Variants in RNF126 observed in about 807,000 individuals in gnomAD.
RNF126 encodes the protein ring finger protein 126.
In RNF126, 20 loss-of-function variants were observed where a neutral mutation model predicts 41.9. The ratio of observed to expected loss-of-function variants is 0.48; its 90% CI spans 0.34 to 0.69. The LOEUF is 0.69. RNF126 is among the 30% of genes least tolerant of loss of function. The pLI, the probability that RNF126 is intolerant of heterozygous loss-of-function variation, is 0.01. For missense variants in RNF126, 433 were observed against 460.6 expected, an observed-to-expected ratio of 0.94 and a Z score of 0.55; for synonymous variants, 239 against 202.9, an observed-to-expected ratio of 1.18 and a Z score of -1.51.
At chr19:652,089 A>T (rs1225384700) in intron 3 of RNF126, 144 bp downstream of exon 3, 1 of 767,206 alleles carries the variant, frequency 1.3e-6, no homozygotes, top group African/African-American at 1.8e-5. Flanking sequence ...GGCCGCCCCA[A>T]TCCCTGGCCC....
chr19:650,569 C>A, intron 4 of RNF126: 1 of 330,330 alleles, frequency 3.0e-6, no homozygotes, highest in Non-Finnish European at 5.4e-6. Flanking sequence ...AGAAGAGGTC[C>A]ACCACTCTCG....
chr19:658,170 G>C (rs1308082000), intron 1 of RNF126, among the ~76,000 whole-genome samples: 2 of 152,152 alleles, frequency 1.3e-5, no homozygotes, highest in Non-Finnish European at 2.9e-5. Context: ...CCAGGGTAGG[G>C]GGGACCCTGC....
intron 1 of RNF126, among the ~76,000 whole-genome samples, chr19:656,572 C>T (rs183079959): frequency 2.1e-4 from 32 of 152,182 alleles, no homozygotes; most frequent in African/African-American, 7.5e-4. Context: ...CGCTTAAACC[C>T]GGCAGGCAGA....
Position 663,129 on chromosome 19 carries a change from G to GCCA in RNF126, c.-11_-9dup. The GCCA allele has an allele frequency of 7.9e-7, 1 of 1,260,580 alleles. No individual in the cohort carries two copies. The highest frequency in any genetic ancestry group is 1.0e-6 in the Non-Finnish European group (1 of 995,624). 78.1% of individuals were successfully genotyped at this position (1,260,580 alleles called of 1,614,324 possible). The stretch of plus-strand genomic sequence containing the variant: ...CGGCGACGCCTCGGCCATGGCCGCC[G>GCCA]CCACCTACTCCGCGCCGCCCGCCCC... On this transcript the variant is annotated 5_prime_UTR_variant, in exon 1 of 9. Transcript: ENST00000292363.
intron 1 of RNF126, among the ~76,000 whole-genome samples, chr19:662,246 C>G (rs922522273): frequency 2.6e-5 from 4 of 152,252 alleles, no homozygotes; most frequent in Admixed American, 6.5e-5. Context: ...GCACCTTCAA[C>G]GAGCGCTGCT....
chr19:651,352 G>C lies in RNF126; in HGVS notation c.443+259C>G, dbSNP rs574367049. 268 of 363,570 alleles carry C rather than the reference G, an allele frequency of 7.4e-4. 2 individuals carry two copies. The highest frequency in any genetic ancestry group is 5.9e-3 in the South Asian group (81 of 13,670). 22.5% of individuals were successfully genotyped at this position (363,570 alleles called of 1,614,324 possible). On this transcript the variant is annotated intron_variant, in intron 4 of 8. Coordinates refer to ENST00000292363, the MANE Select transcript of RNF126 (RefSeq NM_194460.3). ...GCGTTTGACGACACGCGTGTGGACA[G>C]CAGTCTCCAGAGCACGTGGGCCTGG...
intron 1 of RNF126, among the ~76,000 whole-genome samples, chr19:655,891 G>T (rs1219021340): frequency 1.3e-5 from 2 of 152,128 alleles, no homozygotes; most frequent in African/African-American, 4.8e-5. Context: ...CGGGGGGGAG[G>T]GGGGATTGCA....
At chr19:653,921 T>C (rs1450053165) in intron 1 of RNF126, among the ~76,000 whole-genome samples, 2 of 152,138 alleles carry the variant, frequency 1.3e-5, no homozygotes, top group Non-Finnish European at 2.9e-5. Context: ...GCTCCCACCG[T>C]GCATGGGGGA....
Position 653,255 on chromosome 19 carries a change from CCA to C in RNF126, c.76-373_76-372del, listed in dbSNP as rs1272582803. Among the ~76,000 whole-genome samples the C allele has an allele frequency of 1.5e-4, 23 of 152,296 alleles. No homozygotes were observed. In the East Asian group the frequency reaches 4.4e-3, roughly 29 times the overall value. On this transcript the variant is annotated intron_variant, in intron 1 of 8. Coordinates refer to ENST00000292363, the MANE Select transcript of RNF126 (RefSeq NM_194460.3). ...CCACTCGGAGGGGTGCCCCAATACC[CCA>C]CAGTGGCATTTCCAGGACGCTCTGG... is the stretch of plus-strand genomic sequence containing the variant.
At chr19:653,729 G>A (rs972595522) in intron 1 of RNF126, among the ~76,000 whole-genome samples, 8 of 152,074 alleles carry the variant, frequency 5.3e-5, no homozygotes, top group South Asian at 2.1e-4. Context: ...CACACTTCCC[G>A]CACAGCCTGC....
chr19:652,364 C>G, intron 2 of RNF126, 68 bp from the exon 3 acceptor site: 1 of 1,323,550 alleles, frequency 7.6e-7, no homozygotes, highest in Non-Finnish European at 1.0e-6. Context: ...GCTCCCTCCC[C>G]TCAAAAGCCT....
chr19:660,462 G>T (rs920355720), intron 1 of RNF126, among the ~76,000 whole-genome samples: 3 of 151,428 alleles, frequency 2.0e-5, no homozygotes, highest in African/African-American at 7.4e-5. Flanking sequence ...GCCAGCCCAG[G>T]TGTCTCAGCA....
chr19:657,544 G>A (rs1467646583), intron 1 of RNF126, among the ~76,000 whole-genome samples: 2 of 152,206 alleles, frequency 1.3e-5, no homozygotes, highest in Admixed American at 6.5e-5. Context: ...CAGCGTCGGG[G>A]CCTGTGCACG....
chr19:648,603 A>G, intron 7 of RNF126, 116 bp from the exon 8 acceptor site: 1 of 834,834 alleles, frequency 1.2e-6, no homozygotes, highest in Non-Finnish European at 1.9e-6. Context: ...GAGGGGAGAA[A>G]AGCCGTGTGT....
At position 663,054 on chromosome 19, in the gene RNF126, C is replaced by T. The variant is rs1016320557; in HGVS notation, c.68G>A (p.Arg23His). 7.3e-7 allele frequency: 1 copy of T among 1,375,088 alleles called. No homozygotes were observed. Among genetic ancestry groups the T allele is most frequent in the African/African-American group, 1.5e-5 (1 of 66,076 alleles). The allele number at this position is 1,375,088 out of a possible 1,614,324, so 85.2% of individuals were successfully genotyped here. The change falls in exon 1 of 9, where the codon CGC becomes CAC. Residue 23 changes from arginine to histidine, a missense_variant. By Grantham distance (29) the Arg-to-His change is conservative. Transcript: ENST00000292363. ...CCCCGGCCCGGGCCTCACCGGCAGGCGCGGGACGATCTCCACGGAGCAGCA... is the reference window on the plus strand; with the variant it reads ...CCCCGGCCCGGGCCTCACCGGCAGGTGCGGGACGATCTCCACGGAGCAGCA... ...CHCCSVEIVP[R>H]LPDYICPRCE...
At chr19:658,038 G>A (rs2144773284) in intron 1 of RNF126, among the ~76,000 whole-genome samples, 1 of 152,168 alleles carries the variant, frequency 6.6e-6, no homozygotes, top group African/African-American at 2.4e-5. Context: ...CCCCCACAGA[G>A]GCCCCATTGG....
intron 8 of RNF126, 39 bp from the exon 9 acceptor site, chr19:648,316 G>C: frequency 2.0e-6 from 3 of 1,538,232 alleles, no homozygotes; most frequent in Admixed American, 3.9e-5. Context: ...GAAGGGGCAG[G>C]TTAGAGGCGG....
intron 1 of RNF126, among the ~76,000 whole-genome samples, chr19:660,932 G>A (rs2030774837): frequency 6.6e-6 from 1 of 152,234 alleles, no homozygotes; most frequent in Non-Finnish European, 1.5e-5. Flanking sequence ...TCACCCGCGG[G>A]GTGGACACGG....
Position 648,262 on chromosome 19 carries a change from C to T in RNF126, c.802G>A (p.Val268Ile), listed in dbSNP as rs1413669893. The change falls in exon 9 of 9, where the codon GTC (valine) becomes ATC (isoleucine). Residue 268 changes from valine (V) to isoleucine (I), a missense_variant. Physicochemically the swap from Val to Ile is conservative, Grantham distance 29. Transcript: ENST00000292363. ...PWLEQHDSCP[V>I]CRKSLTGQNT... ...TGTCCCGTGAGGCTTTTTCGGCAGA[C>T]GGGGCAGCTGTCGTGCTTTGTGGGG... The T allele has an allele frequency of 7.0e-6, 11 of 1,571,330 alleles. No individual in the cohort carries two copies. Among genetic ancestry groups the T allele is most frequent in the East Asian group, 2.4e-5 (1 of 42,492 alleles).
Sources: allele counts gnomAD v4.1 joint callset (sites outside exome capture counted in the v4.1 genomes callset), GRCh38; gene constraint gnomAD v4.1.1; transcripts MANE v1.5; gene names NCBI Gene and HGNC (gene_info 2026-07-23, HGNC 2026-07-21).